The following ERC2 variants were observed in gnomAD, a reference collection of about 807,000 sequenced individuals.
ERC2 encodes ELKS/RAB6-interacting/CAST family member 2.
ERC2 carries 42 observed loss-of-function variants against 114.8 expected under a neutral mutation model. The ratio of observed to expected loss-of-function variants is 0.37; its 90% CI spans 0.29 to 0.47. ERC2 has a LOEUF of 0.47. Among genes scored for constraint, ERC2 ranks in the 20% least tolerant of loss-of-function variants. The pLI, the probability that ERC2 is intolerant of heterozygous loss-of-function variation, is 0.99. For synonymous variants in ERC2, 454 were observed against 425.5 expected (o/e 1.07, Z -0.82); for missense variants, 939 against 1,150.7 (o/e 0.82, Z 2.66).
chr3:56,303,833 G>C (rs1183264901), intron 2 of ERC2, among the ~76,000 whole-genome samples: 2 of 152,172 alleles, frequency 1.3e-5, no homozygotes, highest in Non-Finnish European at 2.9e-5. Context: ...ATCCTTGTAA[G>C]GGGGACAGGC....
intron 17 of ERC2, among the ~76,000 whole-genome samples, chr3:55,573,625 T>G (rs1461224646): frequency 1.3e-5 from 2 of 152,074 alleles, no homozygotes; most frequent in African/African-American, 4.8e-5. Context: ...GACTTTCTTT[T>G]CCATTTGCAC....
intron 13 of ERC2, among the ~76,000 whole-genome samples, chr3:55,950,151 T>C (rs1310178926): frequency 2.0e-5 from 3 of 152,240 alleles, no homozygotes. Flanking sequence ...TTGCCAACTA[T>C]ATAAATGCAG....
chr3:55,733,401 G>C (rs1268025925), intron 15 of ERC2, among the ~76,000 whole-genome samples: 1 of 151,266 alleles, frequency 6.6e-6, no homozygotes, highest in Non-Finnish European at 1.5e-5. Context: ...GTAGTGGTCT[G>C]TCTCTCTGTC....
intron 3 of ERC2, among the ~76,000 whole-genome samples, chr3:56,213,006 A>G (rs1374708640): frequency 6.6e-6 from 1 of 152,190 alleles, no homozygotes; most frequent in Non-Finnish European, 1.5e-5. Flanking sequence ...AGAATATACA[A>G]TAGACTTTGC....
chr3:55,610,185 C>T (rs2058842934), intron 17 of ERC2, among the ~76,000 whole-genome samples: 1 of 151,530 alleles, frequency 6.6e-6, no homozygotes, highest in Non-Finnish European at 1.5e-5. Flanking sequence ...TAGGATATTC[C>T]TGGCCTCTAC....
At chr3:55,906,650 C>G (rs1458593948) in intron 13 of ERC2, among the ~76,000 whole-genome samples, 1 of 152,214 alleles carries the variant, frequency 6.6e-6, no homozygotes, top group East Asian at 1.9e-4. Flanking sequence ...AGAACTACTG[C>G]TTCACACAAT....
intron 12 of ERC2, among the ~76,000 whole-genome samples, chr3:55,973,535 G>A (rs188835204): frequency 1.4e-4 from 21 of 152,340 alleles, no homozygotes; most frequent in African/African-American, 5.1e-4. Context: ...GAATATCCAT[G>A]TGTGCCTGTT....
At chr3:56,349,365 C>T (rs1206030571) in intron 2 of ERC2, among the ~76,000 whole-genome samples, 1 of 152,146 alleles carries the variant, frequency 6.6e-6, no homozygotes, top group Non-Finnish European at 1.5e-5. Flanking sequence ...ACCCACTTAC[C>T]CCCACCAACC....
At chr3:55,909,354 G>A (rs374783275) in intron 13 of ERC2, among the ~76,000 whole-genome samples, 1 of 152,212 alleles carries the variant, frequency 6.6e-6, no homozygotes, top group African/African-American at 2.4e-5. Flanking sequence ...GAGTCCTGGG[G>A]AGTTTTGTAC....
At chr3:55,874,831 T>C (rs1255193944) in intron 14 of ERC2, among the ~76,000 whole-genome samples, 1 of 151,960 alleles carries the variant, frequency 6.6e-6, no homozygotes, top group Non-Finnish European at 1.5e-5. Flanking sequence ...AAGGGAGAAA[T>C]GAATCAATCC....
At chr3:55,691,573 A>AAATATAT (rs1553631525) in intron 16 of ERC2, among the ~76,000 whole-genome samples, 9 of 39,752 alleles carry the variant, frequency 2.3e-4, no homozygotes, top group Non-Finnish European at 2.8e-4. Context: ...AAAAAAAAAA[A>AAATATAT]ATATATATAT....
At chr3:56,232,767 C>G (rs2050709546) in intron 3 of ERC2, among the ~76,000 whole-genome samples, 1 of 152,228 alleles carries the variant, frequency 6.6e-6, no homozygotes, top group Non-Finnish European at 1.5e-5. Context: ...TGGATTCCCA[C>G]TGTATTTACA....
At chr3:56,425,853 G>A (rs2061552641) in intron 2 of ERC2, among the ~76,000 whole-genome samples, 1 of 152,096 alleles carries the variant, frequency 6.6e-6, no homozygotes, top group Non-Finnish European at 1.5e-5. Context: ...AGACAACTCT[G>A]GGTTTATTTT....
At chr3:55,543,430 G>C (rs1465016988) in intron 17 of ERC2, among the ~76,000 whole-genome samples, 1 of 152,186 alleles carries the variant, frequency 6.6e-6, no homozygotes, top group Non-Finnish European at 1.5e-5. Context: ...TTCTCATAAA[G>C]ATGAGTGAGT....
intron 4 of ERC2, among the ~76,000 whole-genome samples, chr3:56,165,750 A>C (rs1395556306): frequency 6.6e-6 from 1 of 151,954 alleles, no homozygotes; most frequent in Non-Finnish European, 1.5e-5. Context: ...TATAACTAGT[A>C]TGTACAAATA....
intron 13 of ERC2, among the ~76,000 whole-genome samples, chr3:55,950,126 T>C (rs1326259254): frequency 6.6e-6 from 1 of 152,254 alleles, no homozygotes; most frequent in African/African-American, 2.4e-5. Context: ...AAGACATTTC[T>C]ATGTTTTAAG....
intron 2 of ERC2, among the ~76,000 whole-genome samples, chr3:56,393,950 A>C (rs2106870990): frequency 6.6e-6 from 1 of 152,266 alleles, no homozygotes; most frequent in Admixed American, 6.5e-5. Context: ...CAGCCAAAAA[A>C]AAAAAAGGAA....
At position 55,683,878 on chromosome 3, in the gene ERC2, G is replaced by C. The variant is rs778618410; in HGVS notation, c.2848-19C>G. ...CGTCATCCTGCGGCCGGCCCGAGGT[G>C]GGGAGGTGCACAGAGAGGAGGGGAG... On this transcript the variant is annotated intron_variant, in intron 16 of 17. Coordinates refer to ENST00000288221, the MANE Select transcript of ERC2 (RefSeq NM_015576.3). 23 of 1,611,774 alleles carry C rather than the reference G, an allele frequency of 1.4e-5. No homozygotes were observed. The highest frequency in any genetic ancestry group is 2.0e-5 in the Non-Finnish European group (23 of 1,179,042).
At chr3:55,886,987 C>T (rs1224727478) in intron 14 of ERC2, among the ~76,000 whole-genome samples, 2 of 152,228 alleles carry the variant, frequency 1.3e-5, no homozygotes, top group African/African-American at 4.8e-5. Flanking sequence ...TGAGCACCTC[C>T]CATGTGCCCA....
Sources: gnomAD v4.1 joint callset for allele counts (sites outside exome capture counted in the v4.1 genomes callset) on GRCh38, gnomAD v4.1.1 for gene constraint, MANE v1.5 for transcripts, NCBI Gene and HGNC (gene_info 2026-07-23, HGNC 2026-07-21) for gene names.